Variants in CCDC15 observed in about 807,000 individuals in gnomAD.
CCDC15 encodes the protein coiled-coil domain containing 15, also known as coiled-coil domain-containing protein 15.
Under a neutral mutation model 114.5 loss-of-function variants are expected in CCDC15, and 105 were observed. The observed-to-expected ratio is 0.92, with a 90% confidence interval of 0.78 to 1.08. CCDC15 has a LOEUF of 1.08. CCDC15 is among the 50% of genes least tolerant of loss of function. The pLI is 0.00. For missense variants in CCDC15, 1,105 were observed against 1,093.6 expected (o/e 1.01, Z -0.15); for synonymous variants, 334 against 377.8 (o/e 0.88, Z 1.34).
intron 13 of CCDC15, among the ~76,000 whole-genome samples, chr11:125,020,750 A>G (rs115642865): frequency 0.014 from 2,170 of 152,090 alleles, 53 homozygotes; most frequent in African/African-American, 0.049. Context: ...TAAAACATGT[A>G]TTTACAATAG....
intron 13 of CCDC15, among the ~76,000 whole-genome samples, chr11:125,020,292 T>C (rs762180925): frequency 4.6e-5 from 7 of 151,980 alleles, no homozygotes; most frequent in Non-Finnish European, 8.8e-5. Flanking sequence ...AATCATTTTA[T>C]CTGAAAGTCT....
intron 6 of CCDC15, among the ~76,000 whole-genome samples, chr11:124,983,917 A>G (rs1473851944): frequency 6.6e-6 from 1 of 152,014 alleles, no homozygotes; most frequent in Non-Finnish European, 1.5e-5. Flanking sequence ...ATCAGTGTGC[A>G]TGTTCACTCT....
intron 13 of CCDC15, among the ~76,000 whole-genome samples, chr11:125,019,235 T>A (rs1253465921): frequency 6.6e-6 from 1 of 151,990 alleles, no homozygotes; most frequent in Non-Finnish European, 1.5e-5. Flanking sequence ...AAGTCCTAAC[T>A]GTGTGTCAAG....
intron 4 of CCDC15, among the ~76,000 whole-genome samples, chr11:124,965,869 T>G (rs1282368583): frequency 1.3e-5 from 2 of 152,184 alleles, no homozygotes; most frequent in Non-Finnish European, 2.9e-5. Flanking sequence ...TCAAAGAATA[T>G]CTTTATTTCT....
intron 4 of CCDC15, among the ~76,000 whole-genome samples, chr11:124,961,082 T>C: frequency 6.6e-6 from 1 of 152,232 alleles, no homozygotes; most frequent in Non-Finnish European, 1.5e-5. Context: ...TTTGTAATAA[T>C]CATTTTTATT....
At chr11:124,991,610 A>G (rs568891214) in intron 9 of CCDC15, 27 bp downstream of exon 9, 3 of 1,569,176 alleles carry the variant, frequency 1.9e-6, no homozygotes, top group African/African-American at 1.4e-5. Flanking sequence ...AGATATAAAC[A>G]GGAAGGAAGT....
intron 13 of CCDC15, among the ~76,000 whole-genome samples, chr11:125,028,496 C>T (rs147794284): frequency 7.6e-4 from 115 of 152,112 alleles, no homozygotes; most frequent in Middle Eastern, 3.4e-3. Flanking sequence ...TAAGTATATT[C>T]CTAAGGTTGG....
intron 5 of CCDC15, among the ~76,000 whole-genome samples, chr11:124,976,215 A>G (rs1947970476): frequency 6.7e-6 from 1 of 148,882 alleles, no homozygotes; most frequent in Non-Finnish European, 1.5e-5. Context: ...ATATGCATAT[A>G]ATATATATAA....
intron 13 of CCDC15, among the ~76,000 whole-genome samples, chr11:125,024,648 G>T (rs1215973079): frequency 6.6e-6 from 1 of 151,982 alleles, no homozygotes; most frequent in Non-Finnish European, 1.5e-5. Context: ...TTTGGATATG[G>T]ATCCTGTTCC....
At chr11:125,024,868 T>G (rs1025432466) in intron 13 of CCDC15, among the ~76,000 whole-genome samples, 5 of 151,678 alleles carry the variant, frequency 3.3e-5, no homozygotes, top group East Asian at 3.9e-4. Flanking sequence ...AAGCATTTAG[T>G]TCTTTGCCAT....
intron 4 of CCDC15, among the ~76,000 whole-genome samples, chr11:124,963,432 A>G (rs1947710139): frequency 6.6e-6 from 1 of 152,178 alleles, no homozygotes; most frequent in South Asian, 2.1e-4. Flanking sequence ...TGGCTGCATA[A>G]GTGTCTTCTT....
chr11:125,017,797 C>G (rs1194673933), intron 13 of CCDC15, among the ~76,000 whole-genome samples: 5 of 151,790 alleles, frequency 3.3e-5, no homozygotes, highest in Non-Finnish European at 5.9e-5. Flanking sequence ...CTGTGTAGGC[C>G]TAGGCTAACA....
chr11:124,981,288 C>T (rs1948068960), intron 6 of CCDC15, among the ~76,000 whole-genome samples: 1 of 152,074 alleles, frequency 6.6e-6, no homozygotes, highest in African/African-American at 2.4e-5. Flanking sequence ...TCTATAAGGT[C>T]CATTTAGTCA....
chr11:124,996,804 TTGCCCTTTTGTGCC>T (rs1177412564), intron 11 of CCDC15, among the ~76,000 whole-genome samples: 1 of 152,274 alleles, frequency 6.6e-6, no homozygotes, highest in Non-Finnish European at 1.5e-5. Flanking sequence ...CATACAGTAT[TTGCCCTTTTGTGCC>T]TGCCTTATTT....
chr11:125,023,295 C>T (rs749623720), intron 13 of CCDC15, among the ~76,000 whole-genome samples: 21 of 151,556 alleles, frequency 1.4e-4, no homozygotes, highest in Non-Finnish European at 2.4e-4. Context: ...CAACAAACAA[C>T]GAAAGAGAAG....
Position 124,986,774 on chromosome 11 carries a change from A to G in CCDC15, c.786A>G (p.Glu262=), listed in dbSNP as rs1036284900. The G allele has an allele frequency of 3.9e-6, 6 of 1,550,036 alleles. No homozygotes were observed. Among genetic ancestry groups the G allele is most frequent in the Non-Finnish European group, 5.2e-6 (6 of 1,146,660 alleles). Residue 262 remains glutamate (E), a synonymous_variant, in exon 7 of 16, where the codon GAA becomes GAG. Transcript: ENST00000344762. ...ACTATGAGGAACCTGACTATGAGGAATCTTCATCTCTTGTAACTGATGAGA... is the reference window on the plus strand; with the variant it reads ...ACTATGAGGAACCTGACTATGAGGAGTCTTCATCTCTTGTAACTGATGAGA... The part of the protein sequence containing the change: ...ELDYEEPDYE[E]SSSLVTDEKG...
intron 13 of CCDC15, among the ~76,000 whole-genome samples, chr11:125,025,043 TGA>T: frequency 9.1e-6 from 1 of 109,616 alleles, no homozygotes; most frequent in Non-Finnish European, 1.8e-5. Context: ...TGAATACATA[TGA>T]ATATATATGA....
In CCDC15 at chr11:125,012,784, C is replaced by A. The variant is rs1948602817; in HGVS notation, c.2411+7572C>A. The stretch of plus-strand genomic sequence containing the variant: ...TATCTAGTTTAGTACTTTTCAACAA[C>A]AAAGCAAACATTTATTGAAAACTTA... On this transcript the variant is annotated intron_variant, in intron 13 of 15. Transcript: ENST00000344762. 2.0e-5 allele frequency among the ~76,000 whole-genome samples: 3 copies of A among 152,068 alleles called. No individual in the cohort carries two copies. The South Asian group carries it at 6.2e-4, about 31-fold the overall frequency.
intron 11 of CCDC15, among the ~76,000 whole-genome samples, chr11:124,994,744 G>A (rs1482877972): frequency 3.9e-5 from 6 of 152,156 alleles, no homozygotes; most frequent in Non-Finnish European, 1.5e-5. Context: ...GTTAAGATCT[G>A]TAGTTTTTCA....
Sources: gnomAD v4.1 joint callset for allele counts (sites outside exome capture counted in the v4.1 genomes callset) on GRCh38, gnomAD v4.1.1 for gene constraint, MANE v1.5 for transcripts, NCBI Gene and HGNC (gene_info 2026-07-23, HGNC 2026-07-21) for gene names.